The following GALK2 variants were observed in gnomAD, a reference collection of about 807,000 sequenced individuals.
GALK2 encodes galactokinase 2, also known as N-acetylgalactosamine kinase.
Under a neutral mutation model 52.4 loss-of-function variants are expected in GALK2, and 36 were observed. That is an observed-to-expected ratio of 0.69 (90% confidence interval 0.53 to 0.91). GALK2 has a LOEUF of 0.91. Ranked by LOEUF, GALK2 falls within the 40% of genes least tolerant of loss-of-function variation. The pLI is 0.00. For synonymous variants in GALK2, 176 were observed against 199.1 expected (o/e 0.88, Z 0.98); for missense variants, 579 against 559.1 (o/e 1.04, Z -0.36).
intron 3 of GALK2, among the ~76,000 whole-genome samples, chr15:49,361,033 A>G (rs2044135750): frequency 6.6e-6 from 1 of 152,122 alleles, no homozygotes; most frequent in South Asian, 2.1e-4. Context: ...GTTGCGGAAT[A>G]GGGAGGTTTT....
intron 8 of GALK2, among the ~76,000 whole-genome samples, chr15:49,309,431 A>AT (rs2035807462): frequency 6.6e-6 from 1 of 152,004 alleles, no homozygotes; most frequent in Non-Finnish European, 1.5e-5. Flanking sequence ...TATTTAGTGA[A>AT]TTTTTTCTTT....
intron 3 of GALK2, among the ~76,000 whole-genome samples, chr15:49,357,728 A>T (rs2043420670): frequency 1.3e-5 from 2 of 152,090 alleles, no homozygotes; most frequent in South Asian, 4.2e-4. Context: ...ATCCTCCCTA[A>T]CTCATTTATG....
chr15:49,210,377 G>A (rs985223979), intron 2 of GALK2, among the ~76,000 whole-genome samples: 1 of 151,162 alleles, frequency 6.6e-6, no homozygotes, highest in African/African-American at 2.4e-5. Flanking sequence ...CCATTAGGTT[G>A]TTTATATGCA....
chr15:49,320,332 T>C (rs2036776163), intron 9 of GALK2, among the ~76,000 whole-genome samples: 1 of 152,056 alleles, frequency 6.6e-6, no homozygotes, highest in Admixed American at 6.5e-5. Flanking sequence ...GTTTAGGCAG[T>C]TTGAGGAAAT....
chr15:49,271,684 T>C (rs1336648137), intron 5 of GALK2, among the ~76,000 whole-genome samples: 1 of 152,182 alleles, frequency 6.6e-6, no homozygotes, highest in African/African-American at 2.4e-5. Context: ...TGAAACTAGA[T>C]AGAACACAAA....
At chr15:49,274,887 G>C (rs2031396830) in intron 5 of GALK2, among the ~76,000 whole-genome samples, 1 of 152,106 alleles carries the variant, frequency 6.6e-6, no homozygotes, top group Admixed American at 6.5e-5. Context: ...CAATAACATG[G>C]ATGGAGCTGT....
chr15:49,170,995 A>G (rs1385083017), intron 1 of GALK2, among the ~76,000 whole-genome samples: 1 of 151,790 alleles, frequency 6.6e-6, no homozygotes, highest in Non-Finnish European at 1.5e-5. Context: ...CACCTGCTAC[A>G]TTAGCGAAGG....
intron 8 of GALK2, among the ~76,000 whole-genome samples, chr15:49,302,282 G>T (rs555359113): frequency 2.0e-5 from 3 of 152,266 alleles, no homozygotes; most frequent in South Asian, 4.1e-4. Flanking sequence ...AAGGAGTAAT[G>T]ATAAAGATAG....
intron 5 of GALK2, among the ~76,000 whole-genome samples, chr15:49,266,462 C>T (rs563831108): frequency 1.1e-4 from 16 of 152,234 alleles, no homozygotes; most frequent in South Asian, 2.1e-4. Context: ...ACCTAAGTGT[C>T]GTTAAGACTG....
At chr15:49,325,496 A>G (rs528958051) in intron 9 of GALK2, among the ~76,000 whole-genome samples, 1 of 152,364 alleles carries the variant, frequency 6.6e-6, no homozygotes, top group Admixed American at 6.5e-5. Flanking sequence ...TTTAAAGGGT[A>G]TATCGGTCTC....
At chr15:49,334,687 C>A (rs1467100921), downstream of GALK2, among the ~76,000 whole-genome samples, 1 of 152,170 alleles carries the variant, frequency 6.6e-6, no homozygotes, top group African/African-American at 2.4e-5. Context: ...GCTTTTAGAT[C>A]TGCCCGCTGG....
intron 8 of GALK2, among the ~76,000 whole-genome samples, chr15:49,316,955 C>T (rs1012453080): frequency 3.3e-5 from 5 of 152,168 alleles, no homozygotes; most frequent in African/African-American, 1.2e-4. Flanking sequence ...CTATACAGGT[C>T]AGCCTTTGGG....
intron 5 of GALK2, among the ~76,000 whole-genome samples, chr15:49,240,553 G>A (rs1278086194): frequency 6.6e-6 from 1 of 152,144 alleles, no homozygotes; most frequent in Non-Finnish European, 1.5e-5. Context: ...CCCAGATTTA[G>A]AGAGCATAGG....
At chr15:49,299,752 T>TTTCC in intron 8 of GALK2, among the ~76,000 whole-genome samples, 1 of 136,626 alleles carries the variant, frequency 7.3e-6, no homozygotes, top group African/African-American at 2.8e-5. Flanking sequence ...TCTTTCTTTC[T>TTTCC]TTCTTTCTTT....
chr15:49,233,539 T>G (rs1004010245), intron 3 of GALK2, among the ~76,000 whole-genome samples: 7 of 152,332 alleles, frequency 4.6e-5, no homozygotes, highest in African/African-American at 1.4e-4. Context: ...TCTGTTCATA[T>G]TCCCCTCTCA....
chr15:49,184,744 C>T (rs1359710115), intron 1 of GALK2, among the ~76,000 whole-genome samples: 1 of 152,118 alleles, frequency 6.6e-6, no homozygotes, highest in African/African-American at 2.4e-5. Flanking sequence ...AAAGAGAAAA[C>T]TAATAACACT....
At chr15:49,361,717 G>A (rs887355210) in intron 3 of GALK2, among the ~76,000 whole-genome samples, 23 of 152,114 alleles carry the variant, frequency 1.5e-4, no homozygotes, top group African/African-American at 5.3e-4. Context: ...ACGCGTGAAT[G>A]TATCTTTCTG....
At chr15:49,203,780 A>G (rs2141318570) in intron 2 of GALK2, among the ~76,000 whole-genome samples, 1 of 152,276 alleles carries the variant, frequency 6.6e-6, no homozygotes, top group African/African-American at 2.4e-5. Context: ...TATTAAACAG[A>G]TTGTCCTTTT....
chr15:49,156,404 T>C, intron 1 of GALK2: 1 of 432,768 alleles, frequency 2.3e-6, no homozygotes, highest in Non-Finnish European at 4.5e-6. Context: ...CATGAAGCCC[T>C]CTCTCGCTCC....
Sources: allele counts gnomAD v4.1 joint callset (sites outside exome capture counted in the v4.1 genomes callset), GRCh38; gene constraint gnomAD v4.1.1; transcripts MANE v1.5; gene names NCBI Gene and HGNC (gene_info 2026-07-23, HGNC 2026-07-21).